Variants in PLA2R1 observed in about 807,000 individuals in gnomAD.
PLA2R1 encodes the protein phospholipase A2 receptor 1, also known as secretory phospholipase A2 receptor.
A neutral mutation model predicts 195.9 loss-of-function variants in PLA2R1; 158 were observed. The ratio of observed to expected loss-of-function variants is 0.81; its 90% CI spans 0.71 to 0.92. PLA2R1 has a LOEUF of 0.92. PLA2R1 is among the 40% of genes least tolerant of loss of function. PLA2R1 has a pLI of 0.00. For synonymous variants in PLA2R1, 586 were observed against 598.2 expected (o/e 0.98, Z 0.30); for missense variants, 1,626 against 1,764.6 (o/e 0.92, Z 1.41).
At chr2:160,007,553 CCG>C (rs1189453935) in intron 10 of PLA2R1, among the ~76,000 whole-genome samples, 2 of 152,216 alleles carry the variant, frequency 1.3e-5, no homozygotes, top group Non-Finnish European at 2.9e-5. Context: ...TGCCGGCAGG[CCG>C]TCGACAGGAA....
chr2:160,016,703 A>G lies in PLA2R1; in HGVS notation c.1462T>C (p.Trp488Arg). 4.5e-6 allele frequency: 7 copies of G among 1,566,630 alleles called. No individual in the cohort carries two copies. The highest frequency in any genetic ancestry group is 6.2e-6 in the Non-Finnish European group (7 of 1,136,812). ...CTTTCTTCACAATTTTTGACTTTCC[A>G]GTGTCCCTCCTACGGAGAAAAATGT... is the stretch of plus-strand genomic sequence containing the variant. ...CVSAEQSEGH[W>R]KVKNCEERLF... is the part of the protein sequence containing the mutation. The change falls in exon 9 of 30, where the codon TGG becomes CGG. Residue 488 changes from tryptophan (W) to arginine (R), a missense_variant. Transcript: ENST00000283243.
chr2:160,000,319 A>G (rs1407512290), intron 11 of PLA2R1, among the ~76,000 whole-genome samples: 1 of 152,236 alleles, frequency 6.6e-6, no homozygotes, highest in East Asian at 1.9e-4. Context: ...AACTTTCTAA[A>G]GAATTTATAA....
At chr2:159,995,987 A>T (rs1044200560) in intron 11 of PLA2R1, among the ~76,000 whole-genome samples, 3 of 152,048 alleles carry the variant, frequency 2.0e-5, no homozygotes, top group Non-Finnish European at 4.4e-5. Context: ...CAAATCTATC[A>T]TCTATCTGTC....
intron 20 of PLA2R1, among the ~76,000 whole-genome samples, chr2:159,960,382 A>T (rs938359603): frequency 2.6e-4 from 39 of 152,316 alleles, no homozygotes; most frequent in African/African-American, 8.4e-4. Flanking sequence ...GCACCAAAAG[A>T]GAAGGGGCTG....
At chr2:159,978,864 A>G (rs1689753414) in intron 14 of PLA2R1, among the ~76,000 whole-genome samples, 1 of 152,186 alleles carries the variant, frequency 6.6e-6, no homozygotes, top group Admixed American at 6.5e-5. Flanking sequence ...TTACTACTTC[A>G]AAGTTTGGCT....
chr2:159,974,926 C>T (rs1689441587), intron 17 of PLA2R1, among the ~76,000 whole-genome samples: 1 of 152,118 alleles, frequency 6.6e-6, no homozygotes. Flanking sequence ...GCCTAGGATG[C>T]TTTAATACAG....
At chr2:159,930,589 T>C (rs1032211765), downstream of PLA2R1, among the ~76,000 whole-genome samples, 4 of 151,948 alleles carry the variant, frequency 2.6e-5, no homozygotes, top group African/African-American at 9.7e-5. Context: ...AAAGTCGGAG[T>C]CAGACTTTCT....
intron 28 of PLA2R1, among the ~76,000 whole-genome samples, chr2:159,943,822 TCA>T (rs1312392354): frequency 6.6e-6 from 1 of 151,196 alleles, no homozygotes; most frequent in Non-Finnish European, 1.5e-5. Flanking sequence ...TTTTTTTCTC[TCA>T]CACAGAGTTG....
intron 3 of PLA2R1, 46 bp from the exon 4 acceptor site, chr2:160,033,178 T>A: frequency 2.1e-6 from 3 of 1,400,820 alleles, no homozygotes; most frequent in Non-Finnish European, 3.0e-6. Context: ...ATTTTATCTA[T>A]ACAGCAACAT....
In PLA2R1 at chr2:159,939,436, T is replaced by C. The variant is rs1560124405; in HGVS notation, c.*2342A>G. The C allele has an allele frequency of 6.7e-6, 1 of 149,644 alleles. No individual in the cohort carries two copies. Among genetic ancestry groups the C allele is most frequent in the Non-Finnish European group, 1.5e-5 (1 of 67,666 alleles). The allele number at this position is 149,644 out of a possible 1,614,324, so 9.3% of individuals were successfully genotyped here. ...CAGGAAACTTGCTCGAACCAGGCAG[T>C]TGAAGGTTGCAGTGAGCTGAGATCA... On this transcript the variant is annotated 3_prime_UTR_variant, in exon 30 of 30. Coordinates refer to ENST00000283243, the MANE Select transcript of PLA2R1 (RefSeq NM_007366.5).
intron 14 of PLA2R1, 55 bp downstream of exon 14, chr2:159,979,775 T>C: frequency 9.8e-7 from 1 of 1,018,166 alleles, no homozygotes; most frequent in East Asian, 2.4e-5. Flanking sequence ...TACCAAGTGG[T>C]CCCAGGCCCA....
rs776013699 is a variant in PLA2R1 at position 160,022,794 on chromosome 2, A to G, written c.1165T>C (p.Cys389Arg). The G allele has an allele frequency of 1.2e-6, 2 of 1,613,734 alleles. No homozygotes were observed. Among genetic ancestry groups the G allele is most frequent in the South Asian group, 2.2e-5 (2 of 91,050 alleles). ...TTTTCTTCTTTCTGAAGTTTGTAGC[A>G]ATTACGATTGTAGGGATTCCAGCCA... The part of the protein sequence containing the change: ...EPGWNPYNRN[C>R]YKLQKEEKTW... Residue 389 changes from cysteine to arginine, a missense_variant, in exon 7 of 30, where the codon TGC (cysteine) becomes CGC (arginine). Transcript: ENST00000283243.
intron 3 of PLA2R1, among the ~76,000 whole-genome samples, chr2:160,036,468 G>A (rs1260722897): frequency 6.6e-6 from 1 of 152,166 alleles, no homozygotes; most frequent in Non-Finnish European, 1.5e-5. Flanking sequence ...GGGGAAAGCT[G>A]CCCCTACCCC....
intron 1 of PLA2R1, among the ~76,000 whole-genome samples, chr2:160,060,932 A>G (rs1348680754): frequency 6.6e-6 from 1 of 152,192 alleles, no homozygotes; most frequent in Non-Finnish European, 1.5e-5. Flanking sequence ...CACAGGAGCA[A>G]TTTTCTGAAT....
chr2:160,062,128 C>T (rs1696000683), intron 1 of PLA2R1, among the ~76,000 whole-genome samples, 167 bp downstream of exon 1: 1 of 151,978 alleles, frequency 6.6e-6, no homozygotes, highest in Non-Finnish European at 1.5e-5. Flanking sequence ...CTGCAGGACA[C>T]CACCCGCTCC....
chr2:159,931,774 T>G (rs1275755597), downstream of PLA2R1, among the ~76,000 whole-genome samples: 2 of 152,154 alleles, frequency 1.3e-5, no homozygotes, highest in African/African-American at 4.8e-5. Flanking sequence ...GAACAACACC[T>G]TATAGATATA....
intron 20 of PLA2R1, among the ~76,000 whole-genome samples, chr2:159,962,046 A>G (rs920053107): frequency 6.6e-6 from 1 of 152,216 alleles, no homozygotes; most frequent in Non-Finnish European, 1.5e-5. Flanking sequence ...GATCTAATTA[A>G]ATTAAAGAGC....
At chr2:159,943,549 T>C (rs1201929524) in intron 28 of PLA2R1, among the ~76,000 whole-genome samples, 1 of 152,176 alleles carries the variant, frequency 6.6e-6, no homozygotes, top group African/African-American at 2.4e-5. Context: ...AAAGAGCACT[T>C]AGAAAACTTA....
intron 11 of PLA2R1, among the ~76,000 whole-genome samples, chr2:160,000,253 G>A (rs1003558367): frequency 6.6e-6 from 1 of 152,182 alleles, no homozygotes; most frequent in African/African-American, 2.4e-5. Context: ...TCACTCAGCT[G>A]TTTGTAAGGA....
Sources: gnomAD v4.1 joint callset for allele counts (sites outside exome capture counted in the v4.1 genomes callset) on GRCh38, gnomAD v4.1.1 for gene constraint, MANE v1.5 for transcripts, NCBI Gene and HGNC (gene_info 2026-07-23, HGNC 2026-07-21) for gene names.